Variants in CNTN6 observed in about 807,000 individuals in gnomAD.
CNTN6 encodes the protein contactin 6.
Under a neutral mutation model 122.8 loss-of-function variants are expected in CNTN6, and 137 were observed. That is an observed-to-expected ratio of 1.12 (90% confidence interval 0.97 to 1.29). CNTN6 has a LOEUF of 1.29. Among genes scored for constraint, CNTN6 ranks in the 50% most tolerant of loss-of-function variants. The probability of loss-of-function intolerance (pLI) is 0.00; values close to 1 mark genes in which losing one functional copy is unlikely to be tolerated. For synonymous variants in CNTN6, 570 were observed against 426.0 expected (o/e 1.34, Z -4.16); for missense variants, 1,634 against 1,223.4 (o/e 1.34, Z -5.01).
chr3:1,325,093 C>T (rs1285866694), intron 8 of CNTN6, among the ~76,000 whole-genome samples: 4 of 151,774 alleles, frequency 2.6e-5, no homozygotes, highest in Admixed American at 1.3e-4. Context: ...ATTTCCAACC[C>T]GCCTGTTTCC....
At chr3:1,335,734 T>C (rs759833847) in intron 11 of CNTN6, among the ~76,000 whole-genome samples, 6 of 152,088 alleles carry the variant, frequency 3.9e-5, no homozygotes, top group Non-Finnish European at 5.9e-5. Context: ...AATACCATTA[T>C]ACAATTGAAT....
rs572371199 is a variant in CNTN6 at position 1,337,429 on chromosome 3, C to T, written c.1364+7494C>T. Among the ~76,000 whole-genome samples, 6 of 152,198 alleles carry T rather than the reference C, an allele frequency of 3.9e-5. No individual in the cohort carries two copies. The South Asian group carries it at 1.0e-3, about 26-fold the overall frequency. On this transcript the variant is annotated intron_variant, in intron 11 of 22. Transcript: ENST00000446702. The stretch of plus-strand genomic sequence containing the variant: ...GTGCTCAGTCTTAATAAAATATCTC[C>T]GTCGCACATGCCTTTTCAAGACAAC...
At chr3:1,387,593 G>A (rs1452721745) in intron 20 of CNTN6, among the ~76,000 whole-genome samples, 1 of 152,172 alleles carries the variant, frequency 6.6e-6, no homozygotes, top group African/African-American at 2.4e-5. Flanking sequence ...AATAGGAACA[G>A]CTCCGGTCTA....
intron 4 of CNTN6, among the ~76,000 whole-genome samples, chr3:1,257,738 G>C (rs772215447): frequency 3.5e-4 from 53 of 152,154 alleles, no homozygotes; most frequent in Non-Finnish European, 5.9e-4. Flanking sequence ...ACACTAGCTG[G>C]TGAGAGCGAG....
chr3:1,371,042 A>C (rs965475633), intron 12 of CNTN6, among the ~76,000 whole-genome samples: 1 of 152,092 alleles, frequency 6.6e-6, no homozygotes. Context: ...TTAAAACCCC[A>C]AATTATTACT....
chr3:1,102,995 A>T (rs748670133), intron 1 of CNTN6, among the ~76,000 whole-genome samples: 2 of 150,548 alleles, frequency 1.3e-5, no homozygotes, highest in African/African-American at 2.5e-5. Context: ...GGTCCCAGCT[A>T]CTCGGGAGGC....
At chr3:1,171,887 G>A (rs191574746) in intron 2 of CNTN6, among the ~76,000 whole-genome samples, 84 of 152,212 alleles carry the variant, frequency 5.5e-4, no homozygotes, top group Middle Eastern at 3.4e-3. Flanking sequence ...CATTACAGGC[G>A]TGAGCTACCA....
chr3:1,234,864 T>A (rs771980059), intron 4 of CNTN6, among the ~76,000 whole-genome samples: 3 of 152,234 alleles, frequency 2.0e-5, no homozygotes, highest in Non-Finnish European at 1.5e-5. Flanking sequence ...AATAACAGCA[T>A]AACCACCAAT....
intron 2 of CNTN6, among the ~76,000 whole-genome samples, chr3:1,168,446 C>T (rs1268002465): frequency 6.7e-6 from 1 of 149,828 alleles, no homozygotes; most frequent in Non-Finnish European, 1.5e-5. Context: ...CAGAATGTGA[C>T]TAAGGGACCA....
rs1417855064 is a variant in CNTN6, at chr3:1,175,314, A to AAATT, written c.55+27253_55+27254insTTAA. 6.4e-3 allele frequency among the ~76,000 whole-genome samples: 970 copies of AAATT among 152,252 alleles called. 11 individuals are homozygous for AAATT. Among genetic ancestry groups the AAATT allele is most frequent in the African/African-American group, 0.022 (928 of 41,534 alleles). ...AAGGAGTTCAAATAACACTACCATA[A>AAATT]AAAATTGACTTTCTAACTAAAATGT... On this transcript the variant is annotated intron_variant, in intron 2 of 22. Coordinates refer to ENST00000446702, the MANE Select transcript of CNTN6 (RefSeq NM_001289080.2).
At chr3:1,323,749 G>T (rs1701172059) in intron 8 of CNTN6, among the ~76,000 whole-genome samples, 1 of 151,618 alleles carries the variant, frequency 6.6e-6, no homozygotes, top group Non-Finnish European at 1.5e-5. Flanking sequence ...AGTCAATATG[G>T]CAGAAAAAAA....
At chr3:1,127,740 A>G (rs1417034976) in intron 1 of CNTN6, among the ~76,000 whole-genome samples, 1 of 151,980 alleles carries the variant, frequency 6.6e-6, no homozygotes, top group East Asian at 1.9e-4. Flanking sequence ...CTGAGAAAAT[A>G]CAATCTAAAT....
rs536850262 is a variant in CNTN6 at position 1,102,819 on chromosome 3, A to G, written c.-83+9699A>G. ...CACAGAAAACATTTATACAAAATTA[A>G]TGTCCAGGCCGGGAGCTGTGGCTCA... On this transcript the variant is annotated intron_variant, in intron 1 of 22. Transcript: ENST00000446702. 1.3e-3 allele frequency among the ~76,000 whole-genome samples: 192 copies of G among 149,728 alleles called. 8 individuals are homozygous for G. The highest frequency in any genetic ancestry group is 5.4e-4 in the Non-Finnish European group (36 of 66,954).
At chr3:1,182,233 C>CAACA (rs1482102939) in intron 2 of CNTN6, among the ~76,000 whole-genome samples, 2 of 152,120 alleles carry the variant, frequency 1.3e-5, no homozygotes, top group Non-Finnish European at 1.5e-5. Flanking sequence ...AAAACTAGCT[C>CAACA]AACATCCCTG....
intron 4 of CNTN6, among the ~76,000 whole-genome samples, chr3:1,241,646 G>A (rs1027724810): frequency 5.9e-5 from 9 of 152,148 alleles, no homozygotes; most frequent in African/African-American, 1.7e-4. Flanking sequence ...TTGCTTGGTT[G>A]GCAAGTTTTT....
intron 20 of CNTN6, among the ~76,000 whole-genome samples, chr3:1,400,236 T>C (rs976713311): frequency 2.6e-5 from 4 of 152,126 alleles, no homozygotes; most frequent in Non-Finnish European, 5.9e-5. Context: ...AGATGAATTA[T>C]TTTATATCTC....
intron 2 of CNTN6, among the ~76,000 whole-genome samples, chr3:1,213,936 G>C (rs1193493133): frequency 6.6e-6 from 1 of 152,036 alleles, no homozygotes; most frequent in Non-Finnish European, 1.5e-5. Flanking sequence ...ATGTGTACAT[G>C]TATGTATCTA....
chr3:1,375,314 A>T (rs971369910), intron 16 of CNTN6, among the ~76,000 whole-genome samples: 1 of 151,852 alleles, frequency 6.6e-6, no homozygotes, highest in Non-Finnish European at 1.5e-5. Flanking sequence ...AACCATTAAT[A>T]CTCTCTTGTT....
chr3:1,339,113 C>A (rs183187216), intron 11 of CNTN6, among the ~76,000 whole-genome samples: 141 of 151,428 alleles, frequency 9.3e-4, no homozygotes, highest in Non-Finnish European at 1.7e-3. Flanking sequence ...TTCTTTTTTT[C>A]ATAGTAGAAC....
Sources: allele counts gnomAD v4.1 joint callset (sites outside exome capture counted in the v4.1 genomes callset), GRCh38; gene constraint gnomAD v4.1.1; transcripts MANE v1.5; gene names NCBI Gene and HGNC (gene_info 2026-07-23, HGNC 2026-07-21).